DNAI3: variants seen among roughly 807,000 people sequenced by gnomAD.
DNAI3 encodes the protein dynein axonemal intermediate chain 3.
DNAI3 carries 83 observed loss-of-function variants against 115.5 expected under a neutral mutation model. The observed-to-expected ratio is 0.72, with a 90% confidence interval of 0.60 to 0.86. DNAI3 has a LOEUF of 0.86. DNAI3 is among the 40% of genes least tolerant of loss of function. The pLI is 0.00. For missense variants in DNAI3, 1,004 were observed against 1,075.8 expected (o/e 0.93, Z 0.93); for synonymous variants, 320 against 347.0 (o/e 0.92, Z 0.86).
At chr1:85,131,741 A>G (rs1656331309) in intron 22 of DNAI3, among the ~76,000 whole-genome samples, 1 of 152,180 alleles carries the variant, frequency 6.6e-6, no homozygotes, top group Admixed American at 6.5e-5. Flanking sequence ...CCCCTTCCCC[A>G]GCAATTATCC....
At chr1:85,105,855 A>G (rs1220120832) in intron 14 of DNAI3, among the ~76,000 whole-genome samples, 1 of 152,224 alleles carries the variant, frequency 6.6e-6, no homozygotes, top group Non-Finnish European at 1.5e-5. Flanking sequence ...CTGTATCATG[A>G]ACCCATCCCT....
intron 21 of DNAI3, among the ~76,000 whole-genome samples, chr1:85,129,677 A>C (rs1263037406): frequency 6.6e-6 from 1 of 152,114 alleles, no homozygotes; most frequent in Non-Finnish European, 1.5e-5. Context: ...TTCCAACCCT[A>C]CTTTGGAAAC....
In DNAI3 at chr1:85,080,477, G is replaced by A. The variant is rs114798431; in HGVS notation, c.104-757G>A. On this transcript the variant is annotated intron_variant, in intron 3 of 22. Transcript: ENST00000294664. ...GAGGGCAGGTCCTCTGAGTGCATAA[G>A]GGCAGAAAGGTGGTGCCCATTTTGA... Among the ~76,000 whole-genome samples the A allele has an allele frequency of 2.1e-3, 315 of 152,310 alleles. 5 individuals are homozygous for A. The highest frequency in any genetic ancestry group is 7.3e-3 in the African/African-American group (302 of 41,576).
intron 17 of DNAI3, among the ~76,000 whole-genome samples, 192 bp downstream of exon 17, chr1:85,118,051 G>A (rs547245531): frequency 1.3e-3 from 195 of 152,190 alleles, no homozygotes; most frequent in Non-Finnish European, 2.4e-3. Context: ...GTTCCTGAAC[G>A]TATGTGGACA....
chr1:85,102,068 G>A (rs1284352154), intron 13 of DNAI3, among the ~76,000 whole-genome samples: 1 of 151,040 alleles, frequency 6.6e-6, no homozygotes, highest in Non-Finnish European at 1.5e-5. Flanking sequence ...ATAATGAGAG[G>A]GATAAAGAGA....
intron 16 of DNAI3, among the ~76,000 whole-genome samples, chr1:85,110,585 T>C (rs1367691326): frequency 6.6e-6 from 1 of 152,120 alleles, no homozygotes; most frequent in Non-Finnish European, 1.5e-5. Context: ...AACCCTCCAA[T>C]GTGGAACTTT....
Position 85,117,877 on chromosome 1 carries a change from G to C in DNAI3, c.1917+18G>C, listed in dbSNP as rs746770584. ...GAACAGAGGTAAATTGGGATTATCT[G>C]CTTTTAAAATTAATACTTATTTATA... On this transcript the variant is annotated intron_variant, in intron 17 of 22. Coordinates refer to ENST00000294664, the MANE Select transcript of DNAI3 (RefSeq NM_145172.5). 5 of 1,608,106 alleles carry C rather than the reference G, an allele frequency of 3.1e-6. No individual in the cohort carries two copies. The highest frequency in any genetic ancestry group is 4.2e-6 in the Non-Finnish European group (5 of 1,176,686).
At position 85,133,136 on chromosome 1, in the gene DNAI3, T is replaced by C; in HGVS notation, c.*138T>C. 1 of 1,020,704 alleles carries C rather than the reference T, an allele frequency of 9.8e-7. No homozygotes were observed. Among genetic ancestry groups the C allele is most frequent in the Admixed American group, 3.0e-5 (1 of 32,934 alleles). The allele number at this position is 1,020,704 out of a possible 1,614,324, so 63.2% of individuals were successfully genotyped here. A position where few individuals can be genotyped will look rare whatever the true frequency, so the allele number is the denominator to read the frequency against. ...TCCCTGCTATTAAAACTTTTGAATT[T>C]TAGCAATGAGATCTATTTCAGTTTT... On this transcript the variant is annotated 3_prime_UTR_variant, in exon 23 of 23. Transcript: ENST00000294664.
intron 21 of DNAI3, among the ~76,000 whole-genome samples, chr1:85,129,341 A>G (rs1656245236): frequency 6.6e-6 from 1 of 152,244 alleles, no homozygotes. Flanking sequence ...AACATTAAAC[A>G]TATAGATTGC....
intron 13 of DNAI3, among the ~76,000 whole-genome samples, chr1:85,102,823 C>T (rs999441320): frequency 2.6e-5 from 4 of 152,062 alleles, no homozygotes; most frequent in Admixed American, 6.6e-5. Flanking sequence ...AGAGAATATA[C>T]GGGAGAATTA....
At chr1:85,120,768 G>A (rs1351707784) in intron 17 of DNAI3, among the ~76,000 whole-genome samples, 1 of 152,220 alleles carries the variant, frequency 6.6e-6, no homozygotes, top group African/African-American at 2.4e-5. Flanking sequence ...TGAGGATCGT[G>A]AGTAGAGAGA....
In DNAI3 at chr1:85,095,936, G is replaced by A. The variant is rs1655109340; in HGVS notation, c.1179G>A (p.Met393Ile). The change falls in exon 11 of 23, where the codon ATG (methionine) becomes ATA (isoleucine). Residue 393 changes from methionine (M) to isoleucine (I), a missense_variant. Around this residue, in one of 3 missense-constraint regions of DNAI3, gnomAD observed 550 missense variants for 568.1 expected, o/e 0.97. Transcript: ENST00000294664. The part of the protein sequence containing the change: ...SFSDPIHPQL[M>I]LESPDDIFCF... The stretch of plus-strand genomic sequence containing the variant: ...ATTTGCTGGGTTTACTTTAGTTAAT[G>A]CTGGAGAGCCCAGATGACATCTTCT... The A allele has an allele frequency of 6.2e-7, 1 of 1,613,728 alleles. No individual in the cohort carries two copies. Among genetic ancestry groups the A allele is most frequent in the Non-Finnish European group, 8.5e-7 (1 of 1,179,732 alleles).
intron 2 of DNAI3, 63 bp from the exon 3 acceptor site, chr1:85,072,990 TA>T: frequency 1.0e-6 from 1 of 998,320 alleles, no homozygotes; most frequent in East Asian, 2.8e-5. Context: ...AATAAAAGAT[TA>T]TAATAAATTG....
intron 3 of DNAI3, among the ~76,000 whole-genome samples, chr1:85,074,688 C>T (rs190195774): frequency 4.6e-5 from 7 of 152,274 alleles, no homozygotes; most frequent in Admixed American, 2.6e-4. Context: ...TCTATACAGT[C>T]CCTTTGAATA....
At chr1:85,092,794 T>TAC (rs58308443) in intron 8 of DNAI3, among the ~76,000 whole-genome samples, 19,330 of 144,902 alleles carry the variant, frequency 0.13, 1,344 homozygotes, top group South Asian at 0.17. Flanking sequence ...CAACTAAAAC[T>TAC]ACACACACAC....
chr1:85,091,722 A>T (rs191651830), intron 8 of DNAI3, among the ~76,000 whole-genome samples: 5 of 152,334 alleles, frequency 3.3e-5, no homozygotes, highest in African/African-American at 1.2e-4. Context: ...CTTCAGGGGG[A>T]TTCACAAAAC....
chr1:85,105,532 AAAAAAAAAAG>A (rs1179234524), intron 14 of DNAI3, among the ~76,000 whole-genome samples: 1 of 136,106 alleles, frequency 7.3e-6, no homozygotes, highest in Admixed American at 7.4e-5. Flanking sequence ...CTGTCTCAAA[AAAAAAAAAAG>A]AAAAAGAAAA....
At chr1:85,091,279 TGAG>T (rs773622129) in intron 8 of DNAI3, among the ~76,000 whole-genome samples, 5 of 152,228 alleles carry the variant, frequency 3.3e-5, no homozygotes, top group Non-Finnish European at 5.9e-5. Flanking sequence ...AACTAGATCT[TGAG>T]GGAATAAAAA....
In DNAI3 at chr1:85,108,144, G is replaced by A. The variant is rs772046455; in HGVS notation, c.1665G>A (p.Leu555=). The change falls in exon 15 of 23, where the codon TTG becomes TTA. Residue 555 remains leucine, a synonymous_variant. Transcript: ENST00000294664. ...EIPFDVPSTF[L]HLDLSWKPLT... ...CTTTTGATGTACCATCTACTTTTTT[G>A]CATCTGGATCTCTCCTGGAAACCTC... 2 of 1,604,116 alleles carry A rather than the reference G, an allele frequency of 1.2e-6. No homozygotes were observed. Among genetic ancestry groups the A allele is most frequent in the Non-Finnish European group, 1.7e-6 (2 of 1,176,814 alleles).
Sources: allele counts gnomAD v4.1 joint callset (sites outside exome capture counted in the v4.1 genomes callset), GRCh38; gene constraint gnomAD v4.1.1; regional missense constraint gnomAD v4.1.1; transcripts MANE v1.5; gene names NCBI Gene and HGNC (gene_info 2026-07-23, HGNC 2026-07-21).